Variants in ANO3 observed in about 807,000 individuals in gnomAD.
ANO3 encodes the protein anoctamin-3.
A neutral mutation model predicts 144.8 loss-of-function variants in ANO3; 99 were observed. That is an observed-to-expected ratio of 0.68 (90% confidence interval 0.58 to 0.81). The LOEUF (loss-of-function observed/expected upper bound fraction) is 0.81. Ranked by LOEUF, ANO3 falls within the 30% of genes least tolerant of loss-of-function variation. The pLI, the probability that ANO3 is intolerant of heterozygous loss-of-function variation, is 0.00. For synonymous variants in ANO3, 414 were observed against 392.6 expected (o/e 1.05, Z -0.64); for missense variants, 905 against 1,202.2 (o/e 0.75, Z 3.66).
intron 1 of ANO3, among the ~76,000 whole-genome samples, chr11:26,390,534 T>C (rs1009854333): frequency 2.0e-5 from 3 of 152,222 alleles, no homozygotes; most frequent in South Asian, 4.1e-4. Flanking sequence ...AAAAATCTTA[T>C]ATGCATAGAA....
At chr11:26,360,112 G>T (rs1480268919) in intron 1 of ANO3, among the ~76,000 whole-genome samples, 2 of 150,298 alleles carry the variant, frequency 1.3e-5, no homozygotes. Context: ...TTAAATTTCT[G>T]TAAGAATTTT....
intron 1 of ANO3, among the ~76,000 whole-genome samples, chr11:26,284,768 T>C (rs902843095): frequency 3.3e-5 from 5 of 151,190 alleles, no homozygotes; most frequent in Admixed American, 2.6e-4. Flanking sequence ...TAGCCGGGCG[T>C]GCTGGCGGGC....
At chr11:26,579,028 T>C (rs1174866683) in intron 14 of ANO3, among the ~76,000 whole-genome samples, 1 of 152,226 alleles carries the variant, frequency 6.6e-6, no homozygotes, top group Non-Finnish European at 1.5e-5. Context: ...TCTTGCCCAA[T>C]TTATTAACTA....
At chr11:26,333,284 C>CTTT (rs34291798) in intron 1 of ANO3, among the ~76,000 whole-genome samples, 1 of 134,426 alleles carries the variant, frequency 7.4e-6, no homozygotes, top group Admixed American at 7.5e-5. Context: ...AGCTCTTTGA[C>CTTT]TTTTTTTTTT....
chr11:26,527,949 G>A lies in ANO3; in HGVS notation c.737+2270G>A, dbSNP rs1039153172. On this transcript the variant is annotated intron_variant, in intron 7 of 26. Coordinates refer to ENST00000256737, the MANE Select transcript of ANO3 (RefSeq NM_031418.4). ...CTGTTTTGGCAGAGTTTGTGCTTCA[G>A]TCAAGTTCCTTTGACCCTTTAATCC... Among the ~76,000 whole-genome samples the A allele has an allele frequency of 2.0e-5, 3 of 152,154 alleles. 1 individual carries two copies. The highest frequency in any genetic ancestry group is 1.3e-4 in the Admixed American group (2 of 15,270).
intron 18 of ANO3, among the ~76,000 whole-genome samples, chr11:26,626,758 G>A (rs1328059417): frequency 4.0e-5 from 6 of 151,354 alleles, no homozygotes; most frequent in African/African-American, 9.7e-5. Context: ...CTTTACATTC[G>A]GATGTTTCTT....
chr11:26,360,009 A>G lies in ANO3; in HGVS notation c.46+27688A>G, dbSNP rs1054531977. Reference sequence around the variant, plus strand: ...TGTAAATTACAAACTATATTAATATATGAATAATATAAGTTCTAATATCTA... The same window carrying G: ...TGTAAATTACAAACTATATTAATATGTGAATAATATAAGTTCTAATATCTA... On this transcript the variant is annotated intron_variant, in intron 1 of 26. Coordinates refer to ENST00000256737, the MANE Select transcript of ANO3 (RefSeq NM_031418.4). Among the ~76,000 whole-genome samples, 6 of 152,060 alleles carry G rather than the reference A, an allele frequency of 3.9e-5. No homozygotes were observed. The East Asian group carries it at 9.6e-4, about 24-fold the overall frequency.
chr11:26,572,095 T>C, intron 14 of ANO3: 1 of 985,376 alleles, frequency 1.0e-6, no homozygotes, highest in Non-Finnish European at 1.2e-6. Context: ...AGTTGTCCTG[T>C]CTGAAAGGAA....
intron 14 of ANO3, among the ~76,000 whole-genome samples, chr11:26,562,129 T>G (rs2134251922): frequency 6.6e-6 from 1 of 152,032 alleles, no homozygotes; most frequent in African/African-American, 2.4e-5. Context: ...TACATGAGAT[T>G]ACATGTAAAG....
chr11:26,239,915 G>A (rs1852623785), intron 1 of ANO3, among the ~76,000 whole-genome samples: 1 of 152,184 alleles, frequency 6.6e-6, no homozygotes, highest in Non-Finnish European at 1.5e-5. Context: ...TGCGAAGAAA[G>A]AAAATGTATT....
Position 26,505,033 on chromosome 11 carries a change from AAAAAAAG to A in ANO3, c.433-3068_433-3062del, listed in dbSNP as rs1316142319. ...CCTCAAAAAAAAAAAAAAAAAAAAA[AAAAAAAG>A]AAGAGAAAAGGTAGAAGCAAAGAGA... On this transcript the variant is annotated intron_variant, in intron 4 of 26. Transcript: ENST00000256737. 3.0e-3 allele frequency among the ~76,000 whole-genome samples: 391 copies of A among 132,310 alleles called. 6 individuals carry two copies. The highest frequency in any genetic ancestry group is 4.7e-3 in the African/African-American group (186 of 39,528). 86.8% of individuals were successfully genotyped at this position (132,310 alleles called of 152,430 possible). A position where few individuals can be genotyped will look rare whatever the true frequency, so the allele number is the denominator to read the frequency against.
intron 3 of ANO3, among the ~76,000 whole-genome samples, chr11:26,457,174 G>A (rs11029566): frequency 0.64 from 95,449 of 150,250 alleles, 32,774 homozygotes; most frequent in Admixed American, 0.79. Context: ...AGGTATACAT[G>A]TGTAACTTAC....
Position 26,289,569 on chromosome 11 carries a change from T to TAC in ANO3, c.155-20072_155-20071dup, listed in dbSNP as rs201595796. On this transcript the variant is annotated intron_variant, in intron 1 of 27. Coordinates refer to the ANO3 transcript ENST00000672621. ...TTCTATATGTGTGTATATGTACATA[T>TAC]ACACATATATCCTATATGTGTGTAT... Among the ~76,000 whole-genome samples the TAC allele has an allele frequency of 3.9e-3, 419 of 107,302 alleles. 5 individuals are homozygous for TAC. The highest frequency in any genetic ancestry group is 0.015 in the East Asian group (53 of 3,538). The allele number at this position is 107,302 out of a possible 152,430, so 70.4% of individuals were successfully genotyped here.
Position 26,635,037 on chromosome 11 carries a change from CA to C in ANO3, c.2012del (p.Asn671IlefsTer18). 6.2e-7 allele frequency: 1 copy of C among 1,613,510 alleles called. No individual in the cohort carries two copies. Among genetic ancestry groups the C allele is most frequent in the Non-Finnish European group, 8.5e-7 (1 of 1,179,592 alleles). Reference sequence around the variant, plus strand: ...GATTCGTAGGCCACCCAGGAAAATACAATAAACTTTTTGACCGGTGGAGACT... The same window carrying C: ...GATTCGTAGGCCACCCAGGAAAATACATAAACTTTTTGACCGGTGGAGACT... ...GRFVGHPGKY[N>X]KLFDRWRLEE... is the part of the protein sequence containing the mutation. On this transcript the variant is annotated frameshift_variant, in exon 20 of 27. Coordinates refer to ENST00000256737, the MANE Select transcript of ANO3 (RefSeq NM_031418.4). LOFTEE classifies it high-confidence loss of function.
chr11:26,341,341 T>C (rs1855354016), intron 1 of ANO3, among the ~76,000 whole-genome samples: 1 of 152,166 alleles, frequency 6.6e-6, no homozygotes, highest in South Asian at 2.1e-4. Context: ...GGAAAGGCAA[T>C]GTGTGAAATA....
chr11:26,229,664 T>C (rs1445788994), intron 1 of ANO3, among the ~76,000 whole-genome samples: 3 of 152,154 alleles, frequency 2.0e-5, no homozygotes, highest in Non-Finnish European at 4.4e-5. Flanking sequence ...TATGAACCAT[T>C]GCTTCTTCAT....
chr11:26,285,784 T>A (rs1298226467), intron 1 of ANO3: 1 of 152,158 alleles, frequency 6.6e-6, no homozygotes, highest in African/African-American at 2.4e-5. Flanking sequence ...CTTCCCTTTG[T>A]CATATGCTGA....
intron 1 of ANO3, among the ~76,000 whole-genome samples, chr11:26,207,686 A>C (rs1455333426): frequency 1.5e-5 from 2 of 137,654 alleles, no homozygotes; most frequent in African/African-American, 5.1e-5. Flanking sequence ...GCAAAGTGGG[A>C]TTTTTAAAAA....
At chr11:26,656,768 C>A (rs1853702736) in intron 26 of ANO3, among the ~76,000 whole-genome samples, 1 of 151,886 alleles carries the variant, frequency 6.6e-6, no homozygotes, top group South Asian at 2.1e-4. Context: ...CTTTTAGTAA[C>A]CAAGTTTAAA....
Sources: allele counts gnomAD v4.1 joint callset (sites outside exome capture counted in the v4.1 genomes callset), GRCh38; gene constraint gnomAD v4.1.1; transcripts MANE v1.5; gene names NCBI Gene and HGNC (gene_info 2026-07-23, HGNC 2026-07-21).